WWOX: variants seen among roughly 807,000 people sequenced by gnomAD.
The protein encoded by WWOX is WW domain containing oxidoreductase.
WWOX carries 69 observed loss-of-function variants against 46.2 expected under a neutral mutation model. The ratio of observed to expected loss-of-function variants is 1.49; its 90% confidence interval spans 1.23 to 1.82. The LOEUF is 1.82. Ranked by LOEUF, WWOX falls within the 40% of genes most tolerant of loss-of-function variation. WWOX has a pLI of 0.00. For synonymous variants in WWOX, 359 were observed against 202.6 expected, an observed-to-expected ratio of 1.77 and a Z score of -6.56; for missense variants, 919 against 542.6, an observed-to-expected ratio of 1.69 and a Z score of -6.89.
At chr16:79,025,436 G>A (rs916975134) in intron 8 of WWOX, among the ~76,000 whole-genome samples, 5 of 152,198 alleles carry the variant, frequency 3.3e-5, no homozygotes, top group African/African-American at 1.2e-4. Context: ...CCAATGACAG[G>A]TGTTTTCAGC....
At chr16:78,428,859 C>G (rs900064019) in intron 7 of WWOX, among the ~76,000 whole-genome samples, 1 of 152,010 alleles carries the variant, frequency 6.6e-6, no homozygotes, top group Admixed American at 6.6e-5. Context: ...TAAGCAGAAA[C>G]CAAAAGCCCT....
intron 8 of WWOX, among the ~76,000 whole-genome samples, chr16:78,594,952 G>C (rs1350902895): frequency 6.6e-6 from 1 of 152,196 alleles, no homozygotes; most frequent in African/African-American, 2.4e-5. Flanking sequence ...GGAAAGCAGT[G>C]ATTTCCTTTC....
intron 8 of WWOX, among the ~76,000 whole-genome samples, chr16:79,142,545 A>T (rs1225769926): frequency 1.3e-5 from 2 of 152,334 alleles, no homozygotes; most frequent in African/African-American, 2.4e-5. Flanking sequence ...AAGAGGTAAC[A>T]TTGATCTTAA....
At chr16:78,943,748 G>A (rs1719737499) in intron 8 of WWOX, among the ~76,000 whole-genome samples, 1 of 152,138 alleles carries the variant, frequency 6.6e-6, no homozygotes, top group Non-Finnish European at 1.5e-5. Context: ...AGACCATTAA[G>A]CTTCCTGCAA....
intron 8 of WWOX, among the ~76,000 whole-genome samples, chr16:79,130,843 G>C (rs1232483050): frequency 1.3e-5 from 2 of 152,164 alleles, no homozygotes; most frequent in African/African-American, 4.8e-5. Context: ...TCTCCGCACA[G>C]TGCGGAGCTA....
chr16:78,318,804 C>T lies in WWOX; in HGVS notation c.517-68056C>T, dbSNP rs112343517. On this transcript the variant is annotated intron_variant, in intron 5 of 8. Coordinates refer to ENST00000566780, the MANE Select transcript of WWOX (RefSeq NM_016373.4). ...AGGGGATCCCTGTGATTTTTACTCA[C>T]TTTTCTACAAGCATGACTCCTTATA... Among the ~76,000 whole-genome samples the T allele has an allele frequency of 7.6e-3, 1,157 of 152,260 alleles. 16 individuals are homozygous for T. Among genetic ancestry groups the T allele is most frequent in the African/African-American group, 0.027 (1,106 of 41,550 alleles).
chr16:78,586,065 A>G (rs531143000), intron 8 of WWOX, among the ~76,000 whole-genome samples: 2 of 152,174 alleles, frequency 1.3e-5, no homozygotes, highest in South Asian at 2.1e-4. Flanking sequence ...CAAACAGACA[A>G]ACAAAATTAG....
At chr16:79,034,997 C>T (rs1250603148) in intron 8 of WWOX, among the ~76,000 whole-genome samples, 1 of 152,186 alleles carries the variant, frequency 6.6e-6, no homozygotes, top group Non-Finnish European at 1.5e-5. Flanking sequence ...TCCTCTAATT[C>T]ATTAATGGTT....
At chr16:78,672,491 G>T (rs1041370600) in intron 8 of WWOX, among the ~76,000 whole-genome samples, 1 of 152,196 alleles carries the variant, frequency 6.6e-6, no homozygotes, top group Admixed American at 6.5e-5. Flanking sequence ...ATTCAGGCAT[G>T]CACAGGTATC....
At chr16:79,192,384 C>T (rs2051154584) in intron 8 of WWOX, among the ~76,000 whole-genome samples, 1 of 152,176 alleles carries the variant, frequency 6.6e-6, no homozygotes, top group Non-Finnish European at 1.5e-5. Context: ...CAACTCATCA[C>T]CCCTGTATAC....
intron 8 of WWOX, among the ~76,000 whole-genome samples, chr16:79,158,490 A>T (rs1351105976): frequency 7.3e-6 from 1 of 137,354 alleles, no homozygotes; most frequent in Non-Finnish European, 1.5e-5. Context: ...TTCCCACCAC[A>T]CTTACAAATA....
intron 8 of WWOX, among the ~76,000 whole-genome samples, chr16:78,991,841 T>C (rs2074435993): frequency 6.6e-6 from 1 of 152,174 alleles, no homozygotes; most frequent in South Asian, 2.1e-4. Context: ...CCATCATCAC[T>C]GCTTCAGACT....
chr16:78,721,801 A>C (rs908311561), intron 8 of WWOX, among the ~76,000 whole-genome samples: 131 of 152,304 alleles, frequency 8.6e-4, no homozygotes, highest in African/African-American at 3.1e-3. Context: ...GATACCCCCG[A>C]CTTCCTTTCC....
intron 8 of WWOX, among the ~76,000 whole-genome samples, chr16:78,707,391 C>G (rs2048348208): frequency 1.3e-5 from 2 of 152,162 alleles, no homozygotes; most frequent in Admixed American, 1.3e-4. Context: ...TCTGTGCCAC[C>G]TCACCAGGAG....
chr16:78,178,807 T>C (rs1223016653), intron 5 of WWOX, among the ~76,000 whole-genome samples: 1 of 149,514 alleles, frequency 6.7e-6, no homozygotes, highest in Non-Finnish European at 1.5e-5. Context: ...GAGGTTGCAG[T>C]GAGCCAAGGT....
intron 8 of WWOX, among the ~76,000 whole-genome samples, chr16:79,144,728 A>T (rs7202835): frequency 0.43 from 65,492 of 151,998 alleles, 15,889 homozygotes; most frequent in African/African-American, 0.67. Flanking sequence ...GTAGTCCTTA[A>T]TTACAGTTTT....
At chr16:78,223,025 G>T (rs747201371) in intron 5 of WWOX, among the ~76,000 whole-genome samples, 1 of 152,176 alleles carries the variant, frequency 6.6e-6, no homozygotes, top group Non-Finnish European at 1.5e-5. Flanking sequence ...AGTCTCAGGA[G>T]ATTCTGGTTG....
intron 8 of WWOX, among the ~76,000 whole-genome samples, chr16:78,979,380 ACAT>A (rs2046636389): frequency 6.6e-6 from 1 of 152,158 alleles, no homozygotes; most frequent in South Asian, 2.1e-4. Flanking sequence ...TCTGTTATTA[ACAT>A]CAGCAGCAGC....
In WWOX at chr16:78,165,296, A is replaced by G. The variant is rs2034934903; in HGVS notation, c.516+1007A>G. On this transcript the variant is annotated intron_variant, in intron 5 of 8. Coordinates refer to ENST00000566780, the MANE Select transcript of WWOX (RefSeq NM_016373.4). The stretch of plus-strand genomic sequence containing the variant: ...CATATTCATGAAGTGCACCTCTGTG[A>G]TGGGTGCTGGGGTCTACTGTTAAGG... 2.6e-5 allele frequency among the ~76,000 whole-genome samples: 4 copies of G among 152,318 alleles called. No individual in the cohort carries two copies. In the South Asian group the frequency reaches 8.3e-4, roughly 32 times the overall value.
Sources: allele counts gnomAD v4.1 joint callset (sites outside exome capture counted in the v4.1 genomes callset), GRCh38; gene constraint gnomAD v4.1.1; transcripts MANE v1.5; gene names NCBI Gene and HGNC (gene_info 2026-07-23, HGNC 2026-07-21).